CELF2: variants seen among roughly 807,000 people sequenced by gnomAD.
CELF2 encodes CUGBP Elav-like family member 2.
In CELF2, 8 loss-of-function variants were observed where a neutral mutation model predicts 62.6. The observed-to-expected ratio is 0.13, with a 90% CI of 0.07 to 0.23. CELF2 has a LOEUF of 0.23. Among genes scored for constraint, CELF2 ranks in the 10% least tolerant of loss-of-function variants. The probability of loss-of-function intolerance (pLI) is 1.00; values close to 1 mark genes in which losing one functional copy is unlikely to be tolerated. For synonymous variants in CELF2, 258 were observed against 250.0 expected (o/e 1.03, Z -0.30); for missense variants, 333 against 671.0 (o/e 0.50, Z 5.56).
intron 1 of CELF2, among the ~76,000 whole-genome samples, chr10:11,149,307 T>C (rs2062863857): frequency 6.6e-6 from 1 of 152,208 alleles, no homozygotes; most frequent in Admixed American, 6.5e-5. Context: ...TGACCTCAGA[T>C]GATCCACTTG....
rs115809552 is a variant in CELF2 at position 10,878,805 on chromosome 10, G to A, written c.54-41159G>A. Reference sequence around the variant, plus strand: ...CGCAAACACACAGAGGAAAGCAACCGTCCTCATGACAGCATTGTTACAGCA... The same window carrying A: ...CGCAAACACACAGAGGAAAGCAACCATCCTCATGACAGCATTGTTACAGCA... On this transcript the variant is annotated intron_variant, in intron 1 of 13. Coordinates refer to the CELF2 transcript ENST00000636488. Among the ~76,000 whole-genome samples the A allele has an allele frequency of 7.9e-3, 1,209 of 152,230 alleles. 17 individuals carry two copies. The highest frequency in any genetic ancestry group is 0.028 in the African/African-American group (1,145 of 41,526).
chr10:10,489,903 G>A, the CELF2 span, among the ~76,000 whole-genome samples: 2 of 151,684 alleles, frequency 1.3e-5, no homozygotes, highest in Admixed American at 6.6e-5. Flanking sequence ...GTACAGGTTT[G>A]GGGGGAGGGT....
intron 1 of CELF2, among the ~76,000 whole-genome samples, chr10:11,032,988 A>G (rs2060363476): frequency 6.6e-6 from 1 of 152,224 alleles, no homozygotes; most frequent in Admixed American, 6.5e-5. Flanking sequence ...AAGATTACCA[A>G]TTAGGTATTA....
At chr10:11,118,102 A>G (rs1000659184) in intron 1 of CELF2, among the ~76,000 whole-genome samples, 32 of 152,312 alleles carry the variant, frequency 2.1e-4, no homozygotes, top group African/African-American at 7.5e-4. Flanking sequence ...AAGTATAAGC[A>G]TGCCTGTGAA....
At chr10:10,475,071 T>C in the CELF2 span, among the ~76,000 whole-genome samples, 1 of 152,108 alleles carries the variant, frequency 6.6e-6, no homozygotes, top group African/African-American at 2.4e-5. Context: ...CAAGGAACAT[T>C]TCAGGAATTG....
intron 1 of CELF2, among the ~76,000 whole-genome samples, chr10:11,065,891 C>T (rs527586095): frequency 2.2e-4 from 34 of 152,200 alleles, no homozygotes; most frequent in African/African-American, 6.0e-4. Flanking sequence ...AGGCTTTCTC[C>T]GGAAGGAGCA....
At chr10:11,000,816 C>T (rs562389547), upstream of CELF2, among the ~76,000 whole-genome samples, 26 of 152,308 alleles carry the variant, frequency 1.7e-4, no homozygotes, top group Admixed American at 5.2e-4. Context: ...TTTTCCCCCA[C>T]GAGGCAGAGC....
chr10:11,079,249 C>G (rs1286906978), intron 1 of CELF2, among the ~76,000 whole-genome samples: 3 of 152,110 alleles, frequency 2.0e-5, no homozygotes, highest in African/African-American at 7.2e-5. Context: ...GAACTAAAGT[C>G]CTCTCACCTA....
intron 1 of CELF2, among the ~76,000 whole-genome samples, chr10:11,028,803 T>G (rs1229539449): frequency 6.8e-6 from 1 of 147,156 alleles, no homozygotes. Context: ...CACTGCAACC[T>G]CCACCTCCTG....
the CELF2 span, among the ~76,000 whole-genome samples, chr10:10,792,805 C>G: frequency 6.6e-6 from 1 of 152,014 alleles, no homozygotes; most frequent in African/African-American, 2.4e-5. Flanking sequence ...CTTTTTTCCC[C>G]CCTACTGTAT....
At chr10:11,103,365 C>T (rs1223824067) in intron 1 of CELF2, among the ~76,000 whole-genome samples, 3 of 149,854 alleles carry the variant, frequency 2.0e-5, no homozygotes, top group Admixed American at 1.3e-4. Flanking sequence ...ATTCCCATAA[C>T]ATTATAGAAG....
intron 1 of CELF2, among the ~76,000 whole-genome samples, chr10:11,142,783 A>G (rs140083264): frequency 2.6e-5 from 4 of 152,152 alleles, no homozygotes; most frequent in African/African-American, 9.6e-5. Context: ...AGAACTCAGT[A>G]GTGGTGCGTG....
intron 1 of CELF2, among the ~76,000 whole-genome samples, chr10:10,819,762 A>G (rs1237546857): frequency 3.3e-5 from 5 of 152,120 alleles, no homozygotes. Flanking sequence ...TGTTTTGCTA[A>G]TAGAATGTCT....
intron 1 of CELF2, among the ~76,000 whole-genome samples, chr10:10,918,836 T>C (rs2064590890): frequency 6.6e-6 from 1 of 152,160 alleles, no homozygotes; most frequent in African/African-American, 2.4e-5. Flanking sequence ...GGAGATTTTA[T>C]ACCATTGTTC....
intron 1 of CELF2, among the ~76,000 whole-genome samples, chr10:11,045,988 G>A (rs1165131847): frequency 2.6e-5 from 4 of 152,174 alleles, no homozygotes; most frequent in Admixed American, 6.5e-5. Context: ...AGGGGTAGAG[G>A]TGAAAGAAAG....
In CELF2 at chr10:11,145,306, T is replaced by G. The variant is rs2062062373; in HGVS notation, c.75-20180T>G. Among the ~76,000 whole-genome samples the G allele has an allele frequency of 6.6e-6, 1 of 152,242 alleles. No homozygotes were observed. Among genetic ancestry groups the G allele is most frequent in the Admixed American group, 6.5e-5 (1 of 15,290 alleles). On this transcript the variant is annotated intron_variant, in intron 1 of 12. Coordinates refer to ENST00000633077, the MANE Select transcript of CELF2 (RefSeq NM_001326342.2). The surrounding 1 kb of genome is among the most constrained non-coding windows in gnomAD (Gnocchi z 4.3). Reference sequence around the variant, plus strand: ...GTGTGGCACAGATACTTTTATGTGTTGTTGAAAGAGCTGGCTGAGCTTCAG... The same window carrying G: ...GTGTGGCACAGATACTTTTATGTGTGGTTGAAAGAGCTGGCTGAGCTTCAG...
rs896234589 is a variant in CELF2, at chr10:11,305,266, G to C, written c.977-8873G>C. 2.6e-5 allele frequency among the ~76,000 whole-genome samples: 4 copies of C among 152,212 alleles called. No individual in the cohort carries two copies. Among genetic ancestry groups the C allele is most frequent in the Admixed American group, 1.3e-4 (2 of 15,282 alleles). ...TCTGGAAATTTATTTGAGTTGGTTT[G>C]AGAGAGCTTCCAAACAGCCCTTCCT... On this transcript the variant is annotated intron_variant, in intron 9 of 12. Transcript: ENST00000633077. This position sits in a 1 kb window ranked among gnomAD's most constrained non-coding sequence, Gnocchi z 4.8.
intron 9 of CELF2, among the ~76,000 whole-genome samples, chr10:11,312,983 T>G (rs1391292901): frequency 6.6e-6 from 1 of 152,068 alleles, no homozygotes; most frequent in Non-Finnish European, 1.5e-5. Flanking sequence ...GCAGAACAAA[T>G]AGGACAAAAT....
chr10:11,050,525 T>A (rs947512980), intron 1 of CELF2, among the ~76,000 whole-genome samples: 3 of 152,230 alleles, frequency 2.0e-5, no homozygotes, highest in Non-Finnish European at 4.4e-5. Context: ...CAGCTCCTGC[T>A]GCTGGTGGGG....
Sources: allele counts gnomAD v4.1 joint callset (sites outside exome capture counted in the v4.1 genomes callset), GRCh38; gene constraint gnomAD v4.1.1; non-coding constraint Gnocchi (gnomAD v3.1); transcripts MANE v1.5; gene names NCBI Gene and HGNC (gene_info 2026-07-23, HGNC 2026-07-21).